Variants in RBFOX1 observed in about 807,000 individuals in gnomAD.
The protein encoded by RBFOX1 is RNA binding fox-1 homolog 1, also known as RNA binding protein fox-1 homolog 1.
Under a neutral mutation model 57.7 loss-of-function variants are expected in RBFOX1, and 8 were observed. That is an observed-to-expected ratio of 0.14 (90% CI 0.08 to 0.25). The LOEUF (loss-of-function observed/expected upper bound fraction) is 0.25, where lower values mean the gene tolerates loss of function less well. Ranked by LOEUF, RBFOX1 falls within the 10% of genes least tolerant of loss-of-function variation. The probability of loss-of-function intolerance (pLI) is 1.00; values close to 1 mark genes in which losing one functional copy is unlikely to be tolerated. For synonymous variants in RBFOX1, 326 were observed against 222.4 expected, an observed-to-expected ratio of 1.47 and a Z score of -4.15; for missense variants, 611 against 548.5, an observed-to-expected ratio of 1.11 and a Z score of -1.14.
intron 1 of RBFOX1, among the ~76,000 whole-genome samples, chr16:5,400,756 A>T (rs1256832501): frequency 1.3e-5 from 2 of 152,088 alleles, no homozygotes; most frequent in African/African-American, 4.8e-5. Context: ...AGATTGTAAA[A>T]ACTTTCATTC....
At chr16:6,362,717 C>A (rs368125253) in intron 2 of RBFOX1, among the ~76,000 whole-genome samples, 1 of 152,190 alleles carries the variant, frequency 6.6e-6, no homozygotes, top group African/African-American at 2.4e-5. Context: ...TCACAAGTTC[C>A]TGTTATTGAT....
intron 3 of RBFOX1, among the ~76,000 whole-genome samples, chr16:5,790,095 G>A (rs935556144): frequency 3.9e-5 from 6 of 152,326 alleles, no homozygotes; most frequent in Admixed American, 2.0e-4. Context: ...CACTCAGCAG[G>A]CCTTCCTCCA....
chr16:7,443,012 A>G (rs1302423771), intron 4 of RBFOX1, among the ~76,000 whole-genome samples: 4 of 152,152 alleles, frequency 2.6e-5, no homozygotes. Context: ...ACCATCAAAC[A>G]CTTTAATTAA....
intron 4 of RBFOX1, among the ~76,000 whole-genome samples, chr16:7,355,148 T>A (rs949424231): frequency 1.3e-5 from 2 of 152,194 alleles, no homozygotes; most frequent in Non-Finnish European, 2.9e-5. Context: ...ATCAGAGATG[T>A]CAATTGCTGA....
rs575513665 is a variant in RBFOX1, at chr16:7,312,604, C to T, written c.28-205543C>T. 2.6e-5 allele frequency among the ~76,000 whole-genome samples: 4 copies of T among 152,248 alleles called. 1 individual carries two copies. Among genetic ancestry groups the T allele is most frequent in the African/African-American group, 7.2e-5 (3 of 41,548 alleles). ...TTGGGAGCTCTTCTCTTTCTTCCTC[C>T]AGTGAGCTGTCATTCCTGCTTGTGT... On this transcript the variant is annotated intron_variant, in intron 4 of 15. Transcript: ENST00000550418.
At position 7,386,330 on chromosome 16, in the gene RBFOX1, C is replaced by G. The variant is rs11863360; in HGVS notation, c.28-131817C>G. On this transcript the variant is annotated intron_variant, in intron 4 of 15. Coordinates refer to ENST00000550418, the MANE Select transcript of RBFOX1 (RefSeq NM_018723.4). ...ACATGTGCCATGGTGGTTGCTGCAC[C>G]CATCACCCCGTCATCTACATTAGAT... 4.2e-3 allele frequency among the ~76,000 whole-genome samples: 644 copies of G among 152,126 alleles called. 7 individuals are homozygous for G. The highest frequency in any genetic ancestry group is 0.015 in the African/African-American group (609 of 41,472).
intron 1 of RBFOX1, among the ~76,000 whole-genome samples, chr16:6,108,798 C>G (rs1260108519): frequency 6.6e-6 from 1 of 152,122 alleles, no homozygotes; most frequent in East Asian, 1.9e-4. Context: ...TCCTTCCAAT[C>G]TATGTCCCCA....
At chr16:7,127,542 T>C (rs1000172107) in intron 4 of RBFOX1, among the ~76,000 whole-genome samples, 2 of 152,170 alleles carry the variant, frequency 1.3e-5, no homozygotes, top group African/African-American at 4.8e-5. Context: ...GTGTGTACTG[T>C]ATGTGTATGC....
intron 4 of RBFOX1, among the ~76,000 whole-genome samples, chr16:7,085,165 T>C (rs932324514): frequency 6.6e-6 from 1 of 152,148 alleles, no homozygotes; most frequent in Non-Finnish European, 1.5e-5. Flanking sequence ...CAAACATAAA[T>C]GCCTCCAAGG....
At position 6,539,418 on chromosome 16, in the gene RBFOX1, T is replaced by G. The variant is rs1191488528; in HGVS notation, c.-63-115185T>G. On this transcript the variant is annotated intron_variant, in intron 2 of 15. Transcript: ENST00000550418. Reference sequence around the variant, plus strand: ...AGCACTCCACATCAACGCTGGCTGTTATTGTATTATTATCATGGTTACTTC... The same window carrying G: ...AGCACTCCACATCAACGCTGGCTGTGATTGTATTATTATCATGGTTACTTC... Among the ~76,000 whole-genome samples, 3 of 152,188 alleles carry G rather than the reference T, an allele frequency of 2.0e-5. No homozygotes were observed. In the East Asian group the frequency reaches 5.8e-4, roughly 29 times the overall value.
At chr16:5,889,585 C>G (rs1337170081) in intron 4 of RBFOX1, among the ~76,000 whole-genome samples, 1 of 152,048 alleles carries the variant, frequency 6.6e-6, no homozygotes, top group East Asian at 1.9e-4. Context: ...TATTTAGCAC[C>G]CACTATGTGC....
intron 3 of RBFOX1, among the ~76,000 whole-genome samples, chr16:6,950,072 G>A (rs9938223): frequency 0.14 from 21,658 of 149,898 alleles, 1,912 homozygotes; most frequent in Non-Finnish European, 0.19. Context: ...TCAGCCTCCC[G>A]AGTAGCTAGG....
chr16:7,531,554 C>G (rs986452524), intron 5 of RBFOX1, among the ~76,000 whole-genome samples: 1 of 152,186 alleles, frequency 6.6e-6, no homozygotes, highest in Admixed American at 6.5e-5. Flanking sequence ...CCACGGTCCA[C>G]TGTCTTACCC....
At chr16:6,719,147 A>C (rs2065425202) in intron 3 of RBFOX1, among the ~76,000 whole-genome samples, 1 of 152,142 alleles carries the variant, frequency 6.6e-6, no homozygotes, top group African/African-American at 2.4e-5. Flanking sequence ...GATTATAGGC[A>C]TGAGCCATAG....
rs146085593 is a variant in RBFOX1 at position 5,480,317 on chromosome 16, C to T, written c.258+13063C>T. Reference sequence around the variant, plus strand: ...TCCCAAAGAGGATGAGATAAAAGCACACCCACATGTACTACACATCCATAA... The same window carrying T: ...TCCCAAAGAGGATGAGATAAAAGCATACCCACATGTACTACACATCCATAA... On this transcript the variant is annotated intron_variant, in intron 2 of 2. Transcript: ENST00000585867. Among the ~76,000 whole-genome samples, 45 of 152,136 alleles carry T rather than the reference C, an allele frequency of 3.0e-4. No homozygotes were observed. In the East Asian group the frequency reaches 8.1e-3, roughly 27 times the overall value.
intron 3 of RBFOX1, among the ~76,000 whole-genome samples, chr16:6,927,613 A>C (rs999954298): frequency 6.6e-6 from 1 of 152,002 alleles, no homozygotes; most frequent in Admixed American, 6.6e-5. Flanking sequence ...CCTGACATTT[A>C]GCAGGGGCTT....
intron 2 of RBFOX1, among the ~76,000 whole-genome samples, chr16:5,564,934 A>G (rs937816777): frequency 6.6e-6 from 1 of 152,084 alleles, no homozygotes; most frequent in Non-Finnish European, 1.5e-5. Context: ...CTTGGCAGCC[A>G]CGTGTAGTTT....
chr16:7,328,034 G>A (rs1213199149), intron 4 of RBFOX1, among the ~76,000 whole-genome samples: 1 of 152,054 alleles, frequency 6.6e-6, no homozygotes, highest in Non-Finnish European at 1.5e-5. Context: ...ACTTTGAGAG[G>A]CTACCACTCA....
intron 5 of RBFOX1, among the ~76,000 whole-genome samples, chr16:7,576,060 G>C (rs2093311385): frequency 6.6e-6 from 1 of 151,494 alleles, no homozygotes; most frequent in African/African-American, 2.4e-5. Flanking sequence ...GGTCTCCCAA[G>C]TAGCTGGGAT....
Sources: allele counts gnomAD v4.1 joint callset (sites outside exome capture counted in the v4.1 genomes callset), GRCh38; gene constraint gnomAD v4.1.1; transcripts MANE v1.5; gene names NCBI Gene and HGNC (gene_info 2026-07-23, HGNC 2026-07-21).